LZTFL1: variants seen among roughly 807,000 people sequenced by gnomAD.
LZTFL1 encodes the protein leucine zipper transcription factor like 1, also known as leucine zipper transcription factor-like protein 1.
In LZTFL1, 25 loss-of-function variants were observed where a neutral mutation model predicts 45.9. That is an observed-to-expected ratio of 0.54 (90% CI 0.40 to 0.76). The LOEUF is 0.76. Ranked by LOEUF, LZTFL1 falls within the 30% of genes least tolerant of loss-of-function variation. The pLI, the probability that LZTFL1 is intolerant of heterozygous loss-of-function variation, is 0.00. For synonymous variants in LZTFL1, 93 were observed against 117.4 expected, an observed-to-expected ratio of 0.79 and a Z score of 1.35; for missense variants, 277 against 331.1, an observed-to-expected ratio of 0.84 and a Z score of 1.27.
intron 2 of LZTFL1, among the ~76,000 whole-genome samples, chr3:45,907,748 C>T (rs75192040): frequency 0.12 from 17,832 of 152,086 alleles, 3,143 homozygotes; most frequent in African/African-American, 0.38. Context: ...ATTTGTAATT[C>T]GCTAGTATTC....
intron 2 of LZTFL1, among the ~76,000 whole-genome samples, chr3:45,837,253 T>C (rs963462548): frequency 1.3e-5 from 2 of 152,224 alleles, no homozygotes; most frequent in African/African-American, 4.8e-5. Context: ...GCCAATTAAA[T>C]TGTTGCTTTC....
rs1250858175 is a variant in LZTFL1 at position 45,835,665 on chromosome 3, A to G, written c.248T>C (p.Leu83Pro). Residue 83 changes from leucine (L) to proline (P), a missense_variant, in exon 3 of 10, where the codon CTT becomes CCT. Coordinates refer to ENST00000296135, the MANE Select transcript of LZTFL1 (RefSeq NM_020347.4). ...LINTAYTNVL[L>P]LRQLFAQAEK... ...AGCTTGTGCAAACAGCTGTCGCAGAAGTAACACATTGGTATAGGCAGTGTT... is the reference window on the plus strand; with the variant it reads ...AGCTTGTGCAAACAGCTGTCGCAGAGGTAACACATTGGTATAGGCAGTGTT... The G allele has an allele frequency of 6.2e-7, 1 of 1,614,226 alleles. No individual in the cohort carries two copies. Among genetic ancestry groups the G allele is most frequent in the South Asian group, 1.1e-5 (1 of 91,086 alleles).
At chr3:45,870,743 T>C (rs935346236) in intron 2 of LZTFL1, among the ~76,000 whole-genome samples, 1 of 152,238 alleles carries the variant, frequency 6.6e-6, no homozygotes, top group Non-Finnish European at 1.5e-5. Flanking sequence ...GAAAACACTC[T>C]CATAGTAAAG....
chr3:45,850,179 T>C (rs1392681741), intron 4 of LZTFL1, among the ~76,000 whole-genome samples: 3 of 152,244 alleles, frequency 2.0e-5, no homozygotes, highest in African/African-American at 7.2e-5. Context: ...ATATTTACTG[T>C]GTTCCAGTAA....
intron 2 of LZTFL1, among the ~76,000 whole-genome samples, chr3:45,871,549 C>A (rs542948026): frequency 1.3e-5 from 2 of 152,108 alleles, no homozygotes; most frequent in Non-Finnish European, 2.9e-5. Context: ...AGCAGAAGTT[C>A]TTTTCTAAGA....
chr3:45,888,923 AT>A (rs1364043299), intron 2 of LZTFL1, among the ~76,000 whole-genome samples: 1 of 152,196 alleles, frequency 6.6e-6, no homozygotes, highest in Non-Finnish European at 1.5e-5. Flanking sequence ...GCAGATGCAT[AT>A]TTTATAAACT....
intron 7 of LZTFL1, among the ~76,000 whole-genome samples, chr3:45,829,083 A>G (rs1700745183): frequency 6.6e-6 from 1 of 152,234 alleles, no homozygotes; most frequent in Non-Finnish European, 1.5e-5. Context: ...ATAATATGAG[A>G]GCACAATTAC....
intron 1 of LZTFL1, among the ~76,000 whole-genome samples, chr3:45,838,729 C>T (rs940569291): frequency 4.6e-5 from 7 of 152,180 alleles, no homozygotes; most frequent in African/African-American, 1.4e-4. Context: ...GGTCAGCAGT[C>T]AGCTAAGAGC....
rs72284250 is a variant in LZTFL1 at position 45,897,975 on chromosome 3, C to CAAAA, written c.-215+15141_-215+15144dup. On this transcript the variant is annotated intron_variant, in intron 2 of 4. Transcript: ENST00000472635. ...TGAGAGTCTATTAAAGCTATTTGAC[C>CAAAA]AAAAAAAAAAAAAAAAAACACACAA... Among the ~76,000 whole-genome samples the CAAAA allele has an allele frequency of 1.3e-3, 143 of 105,950 alleles. 2 individuals are homozygous for CAAAA. The highest frequency in any genetic ancestry group is 0.013 in the Middle Eastern group (3 of 230). The allele number at this position is 105,950 out of a possible 152,430, so 69.5% of individuals were successfully genotyped here. A position where few individuals can be genotyped will look rare whatever the true frequency, so the allele number is the denominator to read the frequency against.
chr3:45,827,517 A>G, intron 8 of LZTFL1, 58 bp from the exon 9 acceptor site: 1 of 1,011,976 alleles, frequency 9.9e-7, no homozygotes, highest in South Asian at 1.4e-5. Flanking sequence ...AAGAGATAAC[A>G]AATGCGATAA....
At chr3:45,874,175 T>C (rs1701712694) in intron 2 of LZTFL1, among the ~76,000 whole-genome samples, 1 of 152,208 alleles carries the variant, frequency 6.6e-6, no homozygotes, top group Non-Finnish European at 1.5e-5. Flanking sequence ...TTCCTTTGCA[T>C]CCTCCTCTTT....
chr3:45,838,104 G>A (rs969506173), intron 1 of LZTFL1, 53 bp from the exon 2 acceptor site: 1 of 1,534,412 alleles, frequency 6.5e-7, no homozygotes, highest in Non-Finnish European at 8.8e-7. Flanking sequence ...TGATCAAAGA[G>A]CCAACAATGA....
At chr3:45,839,004 T>G (rs1701036363) in intron 1 of LZTFL1, among the ~76,000 whole-genome samples, 1 of 152,248 alleles carries the variant, frequency 6.6e-6, no homozygotes, top group South Asian at 2.1e-4. Context: ...TCTCTGATAG[T>G]CACACATTAG....
chr3:45,833,145 A>G lies in LZTFL1; in HGVS notation c.385-24T>C, dbSNP rs764241564. ...GGCTGAAACAAAATAAAGAAACCAAACTGAAATCACCACAGAATAAAGCAT... is the reference window on the plus strand; with the variant it reads ...GGCTGAAACAAAATAAAGAAACCAAGCTGAAATCACCACAGAATAAAGCAT... On this transcript the variant is annotated intron_variant, in intron 4 of 9. Coordinates refer to ENST00000296135, the MANE Select transcript of LZTFL1 (RefSeq NM_020347.4). The G allele has an allele frequency of 2.6e-6, 4 of 1,522,402 alleles. No homozygotes were observed. In the Admixed American group the frequency reaches 6.7e-5, roughly 25 times the overall value. 94.3% of individuals were successfully genotyped at this position (1,522,402 alleles called of 1,614,324 possible).
chr3:45,834,283 T>A lies in LZTFL1; in HGVS notation c.339A>T (p.Gln113His). The A allele has an allele frequency of 6.3e-7, 1 of 1,590,716 alleles. No homozygotes were observed. Among genetic ancestry groups the A allele is most frequent in the Non-Finnish European group, 8.6e-7 (1 of 1,161,234 alleles). ...TCTCTGCTTTTTCAAATTCTGCAACTTGTTCTAATAATTCTCTTGAAGAAG... is the reference window on the plus strand; with the variant it reads ...TCTCTGCTTTTTCAAATTCTGCAACATGTTCTAATAATTCTCTTGAAGAAG... Reference protein sequence around the residue: ...SELENRELLEQVAEFEKAEIT... With the variant: ...SELENRELLEHVAEFEKAEIT... Residue 113 changes from glutamine (Q) to histidine (H), a missense_variant, in exon 4 of 10, where the codon CAA (glutamine) becomes CAT (histidine). By Grantham distance (24) the Gln-to-His change is conservative. Coordinates refer to ENST00000296135, the MANE Select transcript of LZTFL1 (RefSeq NM_020347.4).
At chr3:45,845,910 C>T (rs1393704697), upstream of LZTFL1, among the ~76,000 whole-genome samples, 2 of 152,172 alleles carry the variant, frequency 1.3e-5, no homozygotes, top group African/African-American at 4.8e-5. Flanking sequence ...ATAAAGTGAA[C>T]TCAAACGGAA....
intron 2 of LZTFL1, chr3:45,895,065 A>C: frequency 8.4e-7 from 1 of 1,185,676 alleles, no homozygotes; most frequent in African/African-American, 1.5e-5. Flanking sequence ...GTGGTTTCCC[A>C]GGGTAAGATC....
intron 2 of LZTFL1, among the ~76,000 whole-genome samples, chr3:45,870,174 G>T (rs745465897): frequency 8.5e-5 from 13 of 152,212 alleles, no homozygotes; most frequent in Non-Finnish European, 1.8e-4. Flanking sequence ...ATGTTACAAG[G>T]GTGCTCACGA....
intron 2 of LZTFL1, among the ~76,000 whole-genome samples, chr3:45,896,588 T>G (rs925816008): frequency 2.6e-5 from 4 of 152,138 alleles, no homozygotes; most frequent in African/African-American, 9.7e-5. Flanking sequence ...TCATAGAAAT[T>G]TGGAGGAATA....
Sources: allele counts gnomAD v4.1 joint callset (sites outside exome capture counted in the v4.1 genomes callset), GRCh38; gene constraint gnomAD v4.1.1; transcripts MANE v1.5; gene names NCBI Gene and HGNC (gene_info 2026-07-23, HGNC 2026-07-21).